The following APTX variants were observed in gnomAD, a reference collection of about 807,000 sequenced individuals.
APTX encodes aprataxin, also known as forkhead-associated domain histidine triad-like protein.
Under a neutral mutation model 42.3 loss-of-function variants are expected in APTX, and 33 were observed. That is an observed-to-expected ratio of 0.78 (90% CI 0.59 to 1.04). The LOEUF is 1.04. Among genes scored for constraint, APTX ranks in the 50% least tolerant of loss-of-function variants. The probability of loss-of-function intolerance (pLI) is 0.00; values close to 1 mark genes in which losing one functional copy is unlikely to be tolerated. For synonymous variants in APTX, 130 were observed against 146.7 expected (o/e 0.89, Z 0.82); for missense variants, 421 against 415.1 (o/e 1.01, Z -0.12).
intron 7 of APTX, 153 bp from the exon 8 acceptor site, chr9:32,973,805 G>A (rs1828663011): frequency 2.1e-6 from 2 of 944,436 alleles, no homozygotes; most frequent in Non-Finnish European, 3.3e-6. Flanking sequence ...ACTTCCCTCA[G>A]GCAAAATGAG....
chr9:32,988,288 G>A (rs748761458), intron 2 of APTX, among the ~76,000 whole-genome samples, 159 bp from the exon 3 acceptor site: 9 of 152,116 alleles, frequency 5.9e-5, no homozygotes, highest in Non-Finnish European at 1.2e-4. Flanking sequence ...CAGGTGGCTG[G>A]AGCTCCAAAT....
chr9:32,973,053 A>G lies in APTX; in HGVS notation c.*445T>C, dbSNP rs779137120. The G allele has an allele frequency of 8.1e-5, 37 of 454,434 alleles. No individual in the cohort carries two copies. The highest frequency in any genetic ancestry group is 1.5e-4 in the Non-Finnish European group (34 of 227,098). 28.2% of individuals were successfully genotyped at this position (454,434 alleles called of 1,614,324 possible). A position where few individuals can be genotyped will look rare whatever the true frequency, so the allele number is the denominator to read the frequency against. On this transcript the variant is annotated 3_prime_UTR_variant, in exon 8 of 8. Transcript: ENST00000379817. ...AATATTACAAAACAGACTAACAGAA[A>G]ACAAGACCCATCAGTATCTTCAGGA... is the stretch of plus-strand genomic sequence containing the variant.
At position 32,972,884 on chromosome 9, in the gene APTX, C is replaced by A. The variant is rs1394546104; in HGVS notation, c.*614G>T. The A allele has an allele frequency of 2.2e-6, 1 of 454,126 alleles. No individual in the cohort carries two copies. Among genetic ancestry groups the A allele is most frequent in the Non-Finnish European group, 4.4e-6 (1 of 226,792 alleles). The allele number at this position is 454,126 out of a possible 1,614,324, so 28.1% of individuals were successfully genotyped here. The stretch of plus-strand genomic sequence containing the variant: ...CTCGGTATTAGAAGAAAACTCCAAC[C>A]CCCCACACCATCATCTAGCCTCTTT... On this transcript the variant is annotated 3_prime_UTR_variant, in exon 8 of 8. Transcript: ENST00000379817.
intron 1 of APTX, among the ~76,000 whole-genome samples, chr9:33,014,844 A>G (rs1304624349): frequency 6.6e-6 from 1 of 152,232 alleles, no homozygotes; most frequent in Non-Finnish European, 1.5e-5. Context: ...TGTCAAGGAC[A>G]CTGCTCCTCA....
At chr9:32,998,523 T>C (rs1587576100) in intron 1 of APTX, among the ~76,000 whole-genome samples, 1 of 152,086 alleles carries the variant, frequency 6.6e-6, no homozygotes, top group Admixed American at 6.6e-5. Context: ...ATATATACCA[T>C]GGAATATTAT....
intron 1 of APTX, among the ~76,000 whole-genome samples, chr9:33,000,625 C>CA (rs60760701): frequency 0.12 from 7,601 of 63,234 alleles, 626 homozygotes; most frequent in East Asian, 0.21. Context: ...GACTCTGTCT[C>CA]AAAAAAAAAA....
intron 6 of APTX, among the ~76,000 whole-genome samples, chr9:32,975,080 G>A (rs1829055154): frequency 6.6e-6 from 1 of 152,114 alleles, no homozygotes; most frequent in African/African-American, 2.4e-5. Context: ...AGAAAGTGAG[G>A]AGGCCAAGAG....
At chr9:32,980,773 T>G (rs1416519618) in intron 6 of APTX, among the ~76,000 whole-genome samples, 1 of 152,234 alleles carries the variant, frequency 6.6e-6, no homozygotes, top group East Asian at 1.9e-4. Flanking sequence ...GGCTGCATGT[T>G]GCTTTGGGAG....
At chr9:33,019,831 GC>G in intron 1 of APTX, 1 of 643,034 alleles carries the variant, frequency 1.6e-6, no homozygotes, top group Non-Finnish European at 2.7e-6. Flanking sequence ...CCAGGATCCT[GC>G]CGCTCACTGT....
chr9:33,024,380 A>G (rs1791198499), intron 1 of APTX, among the ~76,000 whole-genome samples: 1 of 152,202 alleles, frequency 6.6e-6, no homozygotes, highest in Non-Finnish European at 1.5e-5. Context: ...AGCGGACCCC[A>G]ATTCCCATTA....
At position 33,001,285 on chromosome 9, in the gene APTX, C is replaced by A. The variant is rs1037161745; in HGVS notation, c.-5+282G>T. 22 of 1,471,518 alleles carry A rather than the reference C, an allele frequency of 1.5e-5. No individual in the cohort carries two copies. In the East Asian group the frequency reaches 5.8e-4, roughly 39 times the overall value. 91.2% of individuals were successfully genotyped at this position (1,471,518 alleles called of 1,614,324 possible). On this transcript the variant is annotated intron_variant, in intron 1 of 7. Transcript: ENST00000379817. The stretch of plus-strand genomic sequence containing the variant: ...GGGCCGCCTCCTTGGTTGGACAGGG[C>A]CCATTCTCTAATATTTTTTCGGCTT...
intron 1 of APTX, among the ~76,000 whole-genome samples, chr9:33,010,039 T>G (rs1486988579): frequency 6.6e-6 from 1 of 152,172 alleles, no homozygotes; most frequent in African/African-American, 2.4e-5. Flanking sequence ...GAGTCCTGGG[T>G]TGAAACTTAG....
intron 1 of APTX, among the ~76,000 whole-genome samples, chr9:33,010,213 C>T (rs1238009258): frequency 6.6e-6 from 1 of 152,190 alleles, no homozygotes; most frequent in Non-Finnish European, 1.5e-5. Context: ...CAGACCAGCT[C>T]CTCTTACTAG....
chr9:32,993,099 G>C (rs1834017461), intron 1 of APTX, among the ~76,000 whole-genome samples: 1 of 152,216 alleles, frequency 6.6e-6, no homozygotes. Flanking sequence ...CAGATTTTGA[G>C]AGCAGGGCAA....
upstream of APTX, among the ~76,000 whole-genome samples, chr9:33,005,532 A>T (rs1263808937): frequency 3.3e-5 from 5 of 151,620 alleles, no homozygotes; most frequent in Non-Finnish European, 5.9e-5. Context: ...GACCACCCAG[A>T]CTCAAACAAT....
chr9:33,003,756 C>A (rs979273895), upstream of APTX, among the ~76,000 whole-genome samples: 1 of 152,144 alleles, frequency 6.6e-6, no homozygotes, highest in Non-Finnish European at 1.5e-5. Context: ...TAAAATCAGA[C>A]AGTATTTGCC....
upstream of APTX, among the ~76,000 whole-genome samples, chr9:33,004,940 G>A (rs538771683): frequency 4.6e-5 from 7 of 151,706 alleles, no homozygotes; most frequent in South Asian, 8.3e-4. Flanking sequence ...GCGCCCGGCC[G>A]CTTGTTACTT....
intron 1 of APTX, 73 bp from the exon 2 acceptor site, chr9:32,989,968 G>A (rs1833172979): frequency 3.2e-6 from 5 of 1,546,562 alleles, no homozygotes; most frequent in Admixed American, 1.9e-5. Context: ...CACACCCGGT[G>A]CCACCACGCA....
At chr9:32,990,254 C>T (rs1364871323) in intron 1 of APTX, among the ~76,000 whole-genome samples, 1 of 152,168 alleles carries the variant, frequency 6.6e-6, no homozygotes, top group Non-Finnish European at 1.5e-5. Flanking sequence ...CTCACGGCAA[C>T]CTCCACCTTC....
Sources: allele counts gnomAD v4.1 joint callset (sites outside exome capture counted in the v4.1 genomes callset), GRCh38; gene constraint gnomAD v4.1.1; transcripts MANE v1.5; gene names NCBI Gene and HGNC (gene_info 2026-07-23, HGNC 2026-07-21).